Variants in MCM6 observed in about 807,000 individuals in gnomAD.
The protein encoded by MCM6 is DNA replication licensing factor MCM6.
In MCM6, 46 loss-of-function variants were observed where a neutral mutation model predicts 94.3. That is an observed-to-expected ratio of 0.49 (90% CI 0.39 to 0.62). MCM6 has a LOEUF of 0.62. Among genes scored for constraint, MCM6 ranks in the 20% least tolerant of loss-of-function variants. MCM6 has a pLI of 0.00. For synonymous variants in MCM6, 335 were observed against 351.9 expected, an observed-to-expected ratio of 0.95 and a Z score of 0.54; for missense variants, 865 against 1,017.9, an observed-to-expected ratio of 0.85 and a Z score of 2.04.
intron 12 of MCM6, 62 bp downstream of exon 12, chr2:135,852,725 T>C: frequency 1.7e-6 from 2 of 1,180,264 alleles, no homozygotes; most frequent in Admixed American, 6.2e-5. Flanking sequence ...TATAACACAC[T>C]TACTTAAATT....
intron 3 of MCM6, among the ~76,000 whole-genome samples, chr2:135,869,942 A>AT (rs1489705431): frequency 1.3e-5 from 2 of 152,026 alleles, no homozygotes; most frequent in African/African-American, 2.4e-5. Flanking sequence ...GCAAACCACT[A>AT]TTTTTTCCTC....
intron 3 of MCM6, among the ~76,000 whole-genome samples, chr2:135,869,188 G>A (rs1680156049): frequency 6.6e-6 from 1 of 152,110 alleles, no homozygotes; most frequent in Non-Finnish European, 1.5e-5. Flanking sequence ...GGATCATGAG[G>A]TCAAGAGATC....
At chr2:135,864,064 T>C (rs1265222190) in intron 7 of MCM6, among the ~76,000 whole-genome samples, 2 of 151,954 alleles carry the variant, frequency 1.3e-5, no homozygotes, top group Non-Finnish European at 2.9e-5. Context: ...TGAGCTGAGA[T>C]CACGCCACTG....
chr2:135,861,671 G>A (rs192050941), intron 8 of MCM6, among the ~76,000 whole-genome samples: 87 of 152,198 alleles, frequency 5.7e-4, no homozygotes, highest in Non-Finnish European at 9.3e-4. Flanking sequence ...GGAGTGCAGT[G>A]GCGCAATCTC....
chr2:135,847,984 TACC>T (rs1361838305), intron 14 of MCM6, 66 bp downstream of exon 14: 1 of 1,263,772 alleles, frequency 7.9e-7, no homozygotes, highest in Non-Finnish European at 1.1e-6. Flanking sequence ...GGTGTACTTC[TACC>T]ACATGACATC....
At chr2:135,844,229 T>C (rs1463577975) in intron 16 of MCM6, among the ~76,000 whole-genome samples, 1 of 151,640 alleles carries the variant, frequency 6.6e-6, no homozygotes, top group East Asian at 1.9e-4. Context: ...GTGAGGAAAA[T>C]GAAACATAGA....
intron 8 of MCM6, among the ~76,000 whole-genome samples, chr2:135,859,817 T>A (rs115376481): frequency 0.015 from 2,299 of 152,146 alleles, 60 homozygotes; most frequent in African/African-American, 0.052. Flanking sequence ...CAATTTTTTT[T>A]AATTGAGACA....
intron 13 of MCM6, among the ~76,000 whole-genome samples, chr2:135,849,403 C>G (rs1244856228): frequency 6.6e-6 from 1 of 152,132 alleles, no homozygotes; most frequent in African/African-American, 2.4e-5. Context: ...TTTTATGCAG[C>G]TGAGATTTTA....
intron 13 of MCM6, 24 bp from the exon 14 acceptor site, chr2:135,848,212 T>A: frequency 6.4e-7 from 1 of 1,571,124 alleles, no homozygotes; most frequent in Non-Finnish European, 8.7e-7. Context: ...GATGAAGTAA[T>A]TAAGCTACTT....
At chr2:135,848,336 C>T (rs1679708745) in intron 13 of MCM6, 148 bp from the exon 14 acceptor site, 2 of 556,428 alleles carry the variant, frequency 3.6e-6, no homozygotes, top group Non-Finnish European at 6.5e-6. Context: ...CACAAACACC[C>T]TCTCTCATTC....
At position 135,862,646 on chromosome 2, in the gene MCM6, A is replaced by G. The variant is rs1261128799; in HGVS notation, c.1181T>C (p.Ile394Thr). 5 of 1,614,094 alleles carry G rather than the reference A, an allele frequency of 3.1e-6. No homozygotes were observed. Among genetic ancestry groups the G allele is most frequent in the Non-Finnish European group, 4.2e-6 (5 of 1,180,046 alleles). ...CTTAGCTGTACTTGGGTCACCAACA[A>G]TGCAAACATTTATGTCCCCTCGAAG... ...TSLRGDINVC[I>T]VGDPSTAKSQ... Residue 394 changes from isoleucine (I) to threonine (T), a missense_variant, in exon 8 of 17, where the codon ATT (isoleucine) becomes ACT (threonine). Ile to Thr is a moderately conservative substitution (Grantham distance 89). Around this residue, in one of 3 missense-constraint regions of MCM6, gnomAD observed 153 missense variants for 241.5 expected, o/e 0.63. Transcript: ENST00000264156.
chr2:135,868,993 CTCCTA>C, intron 3 of MCM6, 133 bp from the exon 4 acceptor site: 1 of 770,838 alleles, frequency 1.3e-6, no homozygotes, highest in Non-Finnish European at 2.1e-6. Context: ...TCTTTGGACT[CTCCTA>C]TAAGAATAAT....
At chr2:135,858,794 A>G (rs1679936896) in intron 9 of MCM6, among the ~76,000 whole-genome samples, 1 of 152,232 alleles carries the variant, frequency 6.6e-6, no homozygotes, top group South Asian at 2.1e-4. Flanking sequence ...AACTAGTAAC[A>G]GCAAACACAC....
chr2:135,866,628 C>T lies in MCM6; in HGVS notation c.716G>A (p.Gly239Asp). 1 of 1,614,178 alleles carries T rather than the reference C, an allele frequency of 6.2e-7. No individual in the cohort carries two copies. Residue 239 changes from glycine (G) to aspartate (D), a missense_variant, in exon 5 of 17, where the codon GGT (glycine) becomes GAT (aspartate). Around this residue, in one of 3 missense-constraint regions of MCM6, gnomAD observed 404 missense variants for 451.9 expected, o/e 0.89. Transcript: ENST00000264156. ...TGTCCCTGTAAAGTCACACTTGTCACCAGCTTGAGCTGATTCCACAGCTTC... is the reference window on the plus strand; with the variant it reads ...TGTCCCTGTAAAGTCACACTTGTCATCAGCTTGAGCTGATTCCACAGCTTC... The part of the protein sequence containing the change: ...RAEAVESAQA[G>D]DKCDFTGTLI...
In MCM6 at chr2:135,862,692, T is replaced by C. The variant is rs548418033; in HGVS notation, c.1135A>G (p.Thr379Ala). 7.4e-5 allele frequency: 119 copies of C among 1,614,082 alleles called. No homozygotes were observed. Among genetic ancestry groups the C allele is most frequent in the Non-Finnish European group, 9.2e-5 (109 of 1,180,040 alleles). Residue 379 changes from threonine (T) to alanine (A), a missense_variant, in exon 8 of 17, where the codon ACA becomes GCA. Transcript: ENST00000264156. The stretch of plus-strand genomic sequence containing the variant: ...CGAAGAGAGGTCCCTTCTCCTGTTG[T>C]CTTTGGAACGCCACCAAAGAGCATC... Reference protein sequence around the residue: ...LLMLFGGVPKTTGEGTSLRGD... With the variant: ...LLMLFGGVPKATGEGTSLRGD...
In MCM6 at chr2:135,844,645, T is replaced by C. The variant is rs754663697; in HGVS notation, c.2249A>G (p.Asn750Ser). The C allele has an allele frequency of 1.9e-6, 3 of 1,590,756 alleles. No individual in the cohort carries two copies. The highest frequency in any genetic ancestry group is 2.6e-6 in the Non-Finnish European group (3 of 1,170,908). The change falls in exon 16 of 17, where the codon AAC becomes AGC. Residue 750 changes from asparagine to serine, a missense_variant. This residue lies in a region of MCM6 where 308 missense variants were observed against 324.5 expected (regional missense o/e 0.95). Transcript: ENST00000264156. ...TGATTCGATTTCCTTCAAGTACCAG[T>C]TAACAAGCTCGCTCCTCTTTAATGC... The part of the protein sequence containing the change: ...ESALKRSELV[N>S]WYLKEIESEI...
chr2:135,840,927 G>A lies in MCM6; in HGVS notation c.2374C>T (p.Gln792Ter). Reference sequence around the variant, plus strand: ...TCTGTGGAGCCTTTCAATCCAGCCTGGGTGAGCTCAATTAGAACATGATCC... The same window carrying A: ...TCTGTGGAGCCTTTCAATCCAGCCTAGGTGAGCTCAATTAGAACATGATCC... The part of the protein sequence containing the change: ...HYDHVLIELT[Q>*]AGLKGSTEGS... Residue 792 changes from glutamine (Q) to a stop codon, truncating the protein, a stop_gained, in exon 17 of 17, where the codon CAG (glutamine) becomes TAG (stop). Coordinates refer to ENST00000264156, the MANE Select transcript of MCM6 (RefSeq NM_005915.6). LOFTEE classifies it high-confidence loss of function. The A allele has an allele frequency of 6.2e-7, 1 of 1,613,952 alleles. No homozygotes were observed. Among genetic ancestry groups the A allele is most frequent in the Non-Finnish European group, 8.5e-7 (1 of 1,179,840 alleles).
At chr2:135,843,738 A>AACAAAAAC (rs1679620983) in intron 16 of MCM6, among the ~76,000 whole-genome samples, 1 of 143,884 alleles carries the variant, frequency 7.0e-6, no homozygotes, top group African/African-American at 2.8e-5. Flanking sequence ...CTCAAAAAAA[A>AACAAAAAC]AAAAAAAAAA....
Position 135,840,801 on chromosome 2 carries a change from A to C in MCM6, c.*34T>G. ...TCCAGGCCACGAGGTGCTGTGCCAC[A>C]GTTCCTCAGCTCTGGTCAGTTACTT... is the stretch of plus-strand genomic sequence containing the variant. On this transcript the variant is annotated 3_prime_UTR_variant, in exon 17 of 17. Coordinates refer to ENST00000264156, the MANE Select transcript of MCM6 (RefSeq NM_005915.6). 1 of 1,465,134 alleles carries C rather than the reference A, an allele frequency of 6.8e-7. No homozygotes were observed. Among genetic ancestry groups the C allele is most frequent in the Non-Finnish European group, 9.6e-7 (1 of 1,044,624 alleles). The allele number at this position is 1,465,134 out of a possible 1,614,324, so 90.8% of individuals were successfully genotyped here.
Sources: gnomAD v4.1 joint callset for allele counts (sites outside exome capture counted in the v4.1 genomes callset) on GRCh38, gnomAD v4.1.1 for gene constraint, gnomAD v4.1.1 regional missense constraint, MANE v1.5 for transcripts, NCBI Gene and HGNC (gene_info 2026-07-23, HGNC 2026-07-21) for gene names.